The following GAB2 variants were observed in gnomAD, a reference collection of about 807,000 sequenced individuals.
GAB2 encodes GRB2-associated-binding protein 2.
Under a neutral mutation model 65.5 loss-of-function variants are expected in GAB2, and 26 were observed. The observed-to-expected ratio is 0.40, with a 90% CI of 0.29 to 0.55. The LOEUF is 0.55. GAB2 is among the 20% of genes least tolerant of loss of function. The pLI, the probability that GAB2 is intolerant of heterozygous loss-of-function variation, is 0.53. For synonymous variants in GAB2, 321 were observed against 329.6 expected (o/e 0.97, Z 0.28); for missense variants, 884 against 875.8 (o/e 1.01, Z -0.12).
chr11:78,362,080 G>GT (rs1856442033), intron 1 of GAB2, among the ~76,000 whole-genome samples: 3 of 138,162 alleles, frequency 2.2e-5, no homozygotes, highest in Admixed American at 1.5e-4. Context: ...ATATTATGAA[G>GT]TAAAAAAAAA....
At chr11:78,258,128 T>C (rs1405053937) in intron 2 of GAB2, among the ~76,000 whole-genome samples, 1 of 152,182 alleles carries the variant, frequency 6.6e-6, no homozygotes, top group Non-Finnish European at 1.5e-5. Context: ...GAGGTTGGAT[T>C]AGATCGGGGG....
At position 78,227,631 on chromosome 11, in the gene GAB2, CAA is replaced by C. The variant is rs55716895; in HGVS notation, c.621-582_621-581del. Among the ~76,000 whole-genome samples the C allele has an allele frequency of 3.2e-3, 342 of 105,966 alleles. 9 individuals are homozygous for C. Among genetic ancestry groups the C allele is most frequent in the Middle Eastern group, 0.015 (3 of 198 alleles). The allele number at this position is 105,966 out of a possible 152,430, so 69.5% of individuals were successfully genotyped here. ...GAACACAATAAGACTCCATTGCCAC[CAA>C]AAAAAAAAAAAAAAGAACTAGCTGG... On this transcript the variant is annotated intron_variant, in intron 3 of 9. Coordinates refer to ENST00000361507, the MANE Select transcript of GAB2 (RefSeq NM_080491.3).
At chr11:78,294,125 G>A (rs576455668) in intron 1 of GAB2, among the ~76,000 whole-genome samples, 13 of 152,174 alleles carry the variant, frequency 8.5e-5, no homozygotes, top group African/African-American at 3.1e-4. Flanking sequence ...GTGTCCATGT[G>A]TTCTCATTGT....
chr11:78,345,357 T>C (rs1252554363), intron 1 of GAB2, among the ~76,000 whole-genome samples: 3 of 152,198 alleles, frequency 2.0e-5, no homozygotes, highest in Non-Finnish European at 2.9e-5. Context: ...GCTATATTTA[T>C]CTGTTAGAGT....
chr11:78,356,553 G>C (rs1856361886), intron 1 of GAB2, among the ~76,000 whole-genome samples: 1 of 152,024 alleles, frequency 6.6e-6, no homozygotes, highest in African/African-American at 2.4e-5. Flanking sequence ...TTGTCTTCTG[G>C]TCCACCTATA....
chr11:78,322,298 CAAAAAAAAAAAAAAAAAAA>C (rs56709163), intron 1 of GAB2, among the ~76,000 whole-genome samples: 2 of 12,076 alleles, frequency 1.7e-4, no homozygotes, highest in Non-Finnish European at 2.3e-4. Context: ...GACTCTGTCT[CAAAAAAAAAAAAAAAAAAA>C]AAAAAAAAAA....
intron 1 of GAB2, among the ~76,000 whole-genome samples, chr11:78,334,833 C>G (rs1415238846): frequency 6.6e-6 from 1 of 152,170 alleles, no homozygotes; most frequent in Non-Finnish European, 1.5e-5. Flanking sequence ...ACTGTTCTCC[C>G]TAGTGGTTGT....
chr11:78,346,705 ATATATATATATAT>A (rs1856190550), intron 1 of GAB2, among the ~76,000 whole-genome samples: 1 of 95,574 alleles, frequency 1.0e-5, no homozygotes. Flanking sequence ...ATATATATAT[ATATATATATATAT>A]ATAATTTTTT....
At chr11:78,227,973 G>C (rs922120185) in intron 3 of GAB2, among the ~76,000 whole-genome samples, 3 of 152,142 alleles carry the variant, frequency 2.0e-5, no homozygotes, top group Non-Finnish European at 4.4e-5. Context: ...ACTATATATA[G>C]AAAAAGTTTT....
rs1006906902 is a variant in GAB2, at chr11:78,221,757, A to G, written c.1681T>C (p.Ser561Pro). 2.5e-6 allele frequency: 4 copies of G among 1,613,324 alleles called. No homozygotes were observed. The highest frequency in any genetic ancestry group is 3.4e-6 in the Non-Finnish European group (4 of 1,179,452). The change falls in exon 8 of 10, where the codon TCC (serine) becomes CCC (proline). Residue 561 changes from serine to proline, a missense_variant. Coordinates refer to ENST00000361507, the MANE Select transcript of GAB2 (RefSeq NM_080491.3). ...RANHTFNSSS[S>P]QYCRPISTQS... ...GTGGAGATGGGGCGGCAGTACTGGGAGGAGCTGGAGTTGAAGGTGTGGCTG... is the reference window on the plus strand; with the variant it reads ...GTGGAGATGGGGCGGCAGTACTGGGGGGAGCTGGAGTTGAAGGTGTGGCTG...
chr11:78,346,928 G>C (rs148958144), intron 1 of GAB2, among the ~76,000 whole-genome samples: 1 of 151,686 alleles, frequency 6.6e-6, no homozygotes, highest in Admixed American at 6.6e-5. Context: ...AGTATGACCA[G>C]AGCATCTAAG....
At position 78,323,537 on chromosome 11, in the gene GAB2, C is replaced by A. The variant is rs116578536; in HGVS notation, c.76-42636G>T. Among the ~76,000 whole-genome samples, 953 of 151,864 alleles carry A rather than the reference C, an allele frequency of 6.3e-3. 8 individuals carry two copies. Among genetic ancestry groups the A allele is most frequent in the African/African-American group, 0.022 (898 of 41,388 alleles). On this transcript the variant is annotated intron_variant, in intron 1 of 9. Transcript: ENST00000361507. The stretch of plus-strand genomic sequence containing the variant: ...CAATTCAAAAAAAAAGGAAACGAAA[C>A]CAAACACCACACTTATAATGTTCTC...
intron 1 of GAB2, among the ~76,000 whole-genome samples, chr11:78,358,130 T>C (rs949404063): frequency 6.6e-6 from 1 of 151,794 alleles, no homozygotes; most frequent in Admixed American, 6.6e-5. Context: ...AAAGGATGAG[T>C]TCATGTCCTT....
intron 1 of GAB2, among the ~76,000 whole-genome samples, chr11:78,377,572 C>T (rs78674673): frequency 3.3e-5 from 5 of 152,162 alleles, no homozygotes; most frequent in Non-Finnish European, 7.3e-5. Context: ...GTTTAACTCA[C>T]TTTATTTTGA....
At chr11:78,228,473 A>G (rs1864751457) in intron 3 of GAB2, among the ~76,000 whole-genome samples, 1 of 152,192 alleles carries the variant, frequency 6.6e-6, no homozygotes, top group Non-Finnish European at 1.5e-5. Flanking sequence ...TGGGGCTGTA[A>G]TACATAATAG....
chr11:78,291,294 C>CAA lies in GAB2; in HGVS notation c.76-10395_76-10394dup, dbSNP rs397848614. The stretch of plus-strand genomic sequence containing the variant: ...GGTGAAACCGTCTCTACTAAAACGA[C>CAA]AAAAAAAAAAAAAAAAAAAAAATTA... On this transcript the variant is annotated intron_variant, in intron 1 of 9. Transcript: ENST00000361507. Among the ~76,000 whole-genome samples, 351 of 103,792 alleles carry CAA rather than the reference C, an allele frequency of 3.4e-3. 3 individuals carry two copies. The highest frequency in any genetic ancestry group is 7.2e-3 in the East Asian group (27 of 3,762). The allele number at this position is 103,792 out of a possible 152,430, so 68.1% of individuals were successfully genotyped here. A position where few individuals can be genotyped will look rare whatever the true frequency, so the allele number is the denominator to read the frequency against.
intron 3 of GAB2, among the ~76,000 whole-genome samples, chr11:78,243,978 A>G (rs575503494): frequency 1.3e-5 from 2 of 152,348 alleles, no homozygotes; most frequent in South Asian, 4.1e-4. Flanking sequence ...ATCTGAACAG[A>G]CTAATTATGA....
At chr11:78,368,907 T>A (rs969268906) in intron 1 of GAB2, among the ~76,000 whole-genome samples, 1 of 151,868 alleles carries the variant, frequency 6.6e-6, no homozygotes, top group African/African-American at 2.4e-5. Flanking sequence ...CGAGACCCCA[T>A]CGCTACAAAC....
chr11:78,342,848 G>C (rs1565166781), intron 1 of GAB2, among the ~76,000 whole-genome samples: 2 of 152,112 alleles, frequency 1.3e-5, no homozygotes, highest in African/African-American at 4.8e-5. Flanking sequence ...CAAGTAGGAG[G>C]CTCTTAAGCA....
Sources: gnomAD v4.1 joint callset for allele counts (sites outside exome capture counted in the v4.1 genomes callset) on GRCh38, gnomAD v4.1.1 for gene constraint, MANE v1.5 for transcripts, NCBI Gene and HGNC (gene_info 2026-07-23, HGNC 2026-07-21) for gene names.